The following ADGRB3 variants were observed in gnomAD, a reference collection of about 807,000 sequenced individuals.
The protein encoded by ADGRB3 is brain-specific angiogenesis inhibitor 3.
A neutral mutation model predicts 193.4 loss-of-function variants in ADGRB3; 37 were observed. That is an observed-to-expected ratio of 0.19 (90% CI 0.15 to 0.25). The LOEUF (loss-of-function observed/expected upper bound fraction) is 0.25, where lower values mean the gene tolerates loss of function less well. Ranked by LOEUF, ADGRB3 falls within the 10% of genes least tolerant of loss-of-function variation. ADGRB3 has a pLI of 1.00. For synonymous variants in ADGRB3, 690 were observed against 644.2 expected (o/e 1.07, Z -1.08); for missense variants, 1,637 against 1,852.9 (o/e 0.88, Z 2.14).
chr6:69,072,293 C>T (rs979225107), intron 16 of ADGRB3, among the ~76,000 whole-genome samples: 1 of 152,026 alleles, frequency 6.6e-6, no homozygotes, highest in Admixed American at 6.6e-5. Flanking sequence ...TATAATAATG[C>T]TCACATGTAT....
chr6:69,105,312 C>T (rs1773176729), intron 17 of ADGRB3, among the ~76,000 whole-genome samples: 1 of 152,196 alleles, frequency 6.6e-6, no homozygotes, highest in Non-Finnish European at 1.5e-5. Context: ...TTGAGGACTT[C>T]CACTGGTACT....
chr6:68,968,406 T>C (rs920485883), intron 8 of ADGRB3, among the ~76,000 whole-genome samples: 12 of 152,228 alleles, frequency 7.9e-5, no homozygotes, highest in Non-Finnish European at 1.6e-4. Flanking sequence ...TGATACAAAT[T>C]GAATCTTCGT....
At chr6:68,755,413 A>G (rs1452328247) in intron 3 of ADGRB3, among the ~76,000 whole-genome samples, 1 of 152,116 alleles carries the variant, frequency 6.6e-6, no homozygotes, top group Non-Finnish European at 1.5e-5. Context: ...AGAGAGAAGG[A>G]TAAGAGCTAG....
intron 3 of ADGRB3, among the ~76,000 whole-genome samples, chr6:68,809,273 T>A (rs1050360948): frequency 5.3e-5 from 8 of 152,176 alleles, no homozygotes; most frequent in African/African-American, 1.9e-4. Context: ...TCAGAGATAA[T>A]GTGATGAAGG....
At chr6:68,941,808 A>C (rs1767648954) in intron 5 of ADGRB3, among the ~76,000 whole-genome samples, 1 of 151,594 alleles carries the variant, frequency 6.6e-6, no homozygotes, top group South Asian at 2.1e-4. Flanking sequence ...AAGTACTTTT[A>C]AACTATTTTG....
At chr6:69,360,039 G>A (rs1350584422) in intron 28 of ADGRB3, among the ~76,000 whole-genome samples, 1 of 151,578 alleles carries the variant, frequency 6.6e-6, no homozygotes, top group African/African-American at 2.4e-5. Flanking sequence ...CTCTTTTGTT[G>A]ATTGTTTTTG....
At chr6:68,707,549 CATA>C in intron 3 of ADGRB3, among the ~76,000 whole-genome samples, 1 of 152,200 alleles carries the variant, frequency 6.6e-6, no homozygotes, top group South Asian at 2.1e-4. Flanking sequence ...ACATAATTGA[CATA>C]ATCCAATCAA....
At chr6:68,656,970 G>GT (rs1446504919) in intron 3 of ADGRB3, among the ~76,000 whole-genome samples, 2 of 151,594 alleles carry the variant, frequency 1.3e-5, no homozygotes, top group African/African-American at 4.8e-5. Flanking sequence ...CTTAATTCAG[G>GT]TTTTTTAAGT....
chr6:69,195,700 CAA>C (rs1213035620), intron 17 of ADGRB3, among the ~76,000 whole-genome samples: 1 of 151,984 alleles, frequency 6.6e-6, no homozygotes, highest in African/African-American at 2.4e-5. Flanking sequence ...AACCAATACA[CAA>C]AGTTTTTTTT....
intron 21 of ADGRB3, 107 bp from the exon 22 acceptor site, chr6:69,327,713 G>T (rs1768609988): frequency 1.3e-6 from 1 of 787,510 alleles, no homozygotes; most frequent in African/African-American, 1.8e-5. Flanking sequence ...CTCATCCAAA[G>T]ATAGTTTATC....
At chr6:68,999,590 T>C (rs561483373) in intron 11 of ADGRB3, among the ~76,000 whole-genome samples, 3 of 152,292 alleles carry the variant, frequency 2.0e-5, no homozygotes, top group African/African-American at 7.2e-5. Context: ...ATCTGACTTA[T>C]GTTTCTTTAA....
At chr6:68,930,017 A>G (rs1034705752) in intron 3 of ADGRB3, among the ~76,000 whole-genome samples, 2 of 151,580 alleles carry the variant, frequency 1.3e-5, no homozygotes, top group African/African-American at 4.8e-5. Context: ...CAATGCCACT[A>G]TATTCCATGA....
At chr6:68,894,264 T>C (rs891221281) in intron 3 of ADGRB3, among the ~76,000 whole-genome samples, 7 of 151,892 alleles carry the variant, frequency 4.6e-5, no homozygotes, top group African/African-American at 1.7e-4. Flanking sequence ...GCTCCACATT[T>C]AGAAAAAGCA....
intron 3 of ADGRB3, among the ~76,000 whole-genome samples, chr6:68,825,495 C>T (rs1192458315): frequency 6.6e-6 from 1 of 152,104 alleles, no homozygotes; most frequent in Non-Finnish European, 1.5e-5. Flanking sequence ...AAAATAAATG[C>T]CTCTTCGATA....
intron 3 of ADGRB3, among the ~76,000 whole-genome samples, chr6:68,782,122 TC>T (rs1318156733): frequency 1.4e-5 from 1 of 70,438 alleles, no homozygotes; most frequent in African/African-American, 5.9e-5. Context: ...CCCTCCCCCC[TC>T]CCCCCACCCC....
intron 22 of ADGRB3, among the ~76,000 whole-genome samples, chr6:69,328,215 C>T (rs1768623741): frequency 6.6e-6 from 1 of 152,042 alleles, no homozygotes; most frequent in Admixed American, 6.6e-5. Flanking sequence ...CTTTTTAGAA[C>T]GTGGTGCTGC....
intron 19 of ADGRB3, 30 bp downstream of exon 19, chr6:69,235,165 C>G: frequency 6.8e-7 from 1 of 1,462,602 alleles, no homozygotes; most frequent in Non-Finnish European, 9.6e-7. Flanking sequence ...ACCTGAAATG[C>G]AATGCTTAGT....
chr6:69,155,782 A>G (rs1327840387), intron 17 of ADGRB3, among the ~76,000 whole-genome samples: 1 of 152,198 alleles, frequency 6.6e-6, no homozygotes. Flanking sequence ...TAGAAAGAGA[A>G]GATAGTAGTT....
chr6:68,675,508 T>A (rs1769067969), intron 3 of ADGRB3, among the ~76,000 whole-genome samples: 1 of 151,970 alleles, frequency 6.6e-6, no homozygotes, highest in South Asian at 2.1e-4. Context: ...AGAATAAAAA[T>A]AAAATTGAAA....
Sources: gnomAD v4.1 joint callset for allele counts (sites outside exome capture counted in the v4.1 genomes callset) on GRCh38, gnomAD v4.1.1 for gene constraint, MANE v1.5 for transcripts, NCBI Gene and HGNC (gene_info 2026-07-23, HGNC 2026-07-21) for gene names.